Variants in ATR observed in about 807,000 individuals in gnomAD.
The protein encoded by ATR is serine/threonine-protein kinase ATR.
ATR carries 142 observed loss-of-function variants against 305.3 expected under a neutral mutation model. That is an observed-to-expected ratio of 0.47 (90% CI 0.41 to 0.53). ATR has a LOEUF of 0.53. Ranked by LOEUF, ATR falls within the 20% of genes least tolerant of loss-of-function variation. The pLI is 0.00. For synonymous variants in ATR, 1,050 were observed against 1,068.1 expected (o/e 0.98, Z 0.33); for missense variants, 2,135 against 3,133.1 (o/e 0.68, Z 7.60).
chr3:142,565,316 G>A (rs1007563128), intron 3 of ATR, among the ~76,000 whole-genome samples: 1 of 152,090 alleles, frequency 6.6e-6, no homozygotes, highest in African/African-American at 2.4e-5. Context: ...TGCTATCAAA[G>A]TTGAGTTAAA....
chr3:142,511,940 C>A (rs951065279), intron 27 of ATR, among the ~76,000 whole-genome samples: 10 of 151,780 alleles, frequency 6.6e-5, no homozygotes, highest in African/African-American at 1.9e-4. Flanking sequence ...ATGGCAAAAC[C>A]CTGTCTCTAC....
At position 142,493,330 on chromosome 3, in the gene ATR, C is replaced by A. The variant is rs2108326286; in HGVS notation, c.5899-19G>T. ...CATCACCCTAAAAGAAAAAAGGCAA[C>A]AATAAGCCTTTTAATTTAAAAACAT... is the stretch of plus-strand genomic sequence containing the variant. On this transcript the variant is annotated intron_variant, in intron 34 of 46. Coordinates refer to ENST00000350721, the MANE Select transcript of ATR (RefSeq NM_001184.4). 6.3e-7 allele frequency: 1 copy of A among 1,596,228 alleles called. No homozygotes were observed. The highest frequency in any genetic ancestry group is 2.2e-5 in the East Asian group (1 of 44,474).
At chr3:142,535,329 A>C (rs1444873917) in intron 20 of ATR, 124 bp from the exon 21 acceptor site, 1 of 1,066,726 alleles carries the variant, frequency 9.4e-7, no homozygotes, top group Non-Finnish European at 1.4e-6. Context: ...AAAGTAATGA[A>C]ATTTCCATTC....
At chr3:142,451,723 G>T in intron 46 of ATR, 2 of 1,178,026 alleles carry the variant, frequency 1.7e-6, no homozygotes, top group South Asian at 1.7e-5. Context: ...GGGACTACAG[G>T]AGTGTGCCAC....
chr3:142,513,066 C>T (rs1167108222), intron 26 of ATR, among the ~76,000 whole-genome samples: 1 of 151,586 alleles, frequency 6.6e-6, no homozygotes, highest in East Asian at 1.9e-4. Context: ...ACACTATATG[C>T]AAAATTAAGT....
At chr3:142,483,837 TAAATAAAATAAAATAAAATG>T (rs1287765549) in intron 36 of ATR, among the ~76,000 whole-genome samples, 1 of 150,360 alleles carries the variant, frequency 6.7e-6, no homozygotes, top group Non-Finnish European at 1.5e-5. Flanking sequence ...TGTCTTAAAA[TAAATAAAATAAAATAAAATG>T]AAATAAAATA....
chr3:142,498,383 G>A (rs973996754), intron 32 of ATR, among the ~76,000 whole-genome samples: 10 of 152,116 alleles, frequency 6.6e-5, no homozygotes, highest in African/African-American at 2.4e-4. Flanking sequence ...TTTTTATTAT[G>A]TTTTTCATTA....
intron 45 of ATR, 124 bp downstream of exon 45, chr3:142,457,480 C>A: frequency 1.8e-6 from 2 of 1,110,350 alleles, no homozygotes; most frequent in East Asian, 2.6e-5. Context: ...CTGCATAAAG[C>A]TATTATTTAA....
chr3:142,506,885 A>G (rs1239769351), intron 28 of ATR, among the ~76,000 whole-genome samples: 1 of 152,164 alleles, frequency 6.6e-6, no homozygotes. Flanking sequence ...GCCTGAAGGT[A>G]ATGTTAGAGT....
In ATR at chr3:142,503,634, C is replaced by T. The variant is rs1467814374; in HGVS notation, c.5197-181G>A. On this transcript the variant is annotated intron_variant, in intron 29 of 46. Coordinates refer to ENST00000350721, the MANE Select transcript of ATR (RefSeq NM_001184.4). ...GTCTTGCCATGTTGCCCAGGCTGGT[C>T]TCAAACTCCTGGGCTCAAGTGATCC... is the stretch of plus-strand genomic sequence containing the variant. Among the ~76,000 whole-genome samples the T allele has an allele frequency of 6.6e-5, 10 of 151,982 alleles. No individual in the cohort carries two copies. The East Asian group carries it at 1.9e-3, about 29-fold the overall frequency.
At chr3:142,533,607 C>T (rs966981438) in intron 21 of ATR, among the ~76,000 whole-genome samples, 4 of 152,140 alleles carry the variant, frequency 2.6e-5, no homozygotes, top group African/African-American at 9.7e-5. Flanking sequence ...AGACGTGTTT[C>T]TGGATCTTTA....
intron 42 of ATR, 27 bp downstream of exon 42, chr3:142,461,913 T>C: frequency 5.6e-6 from 9 of 1,602,410 alleles, no homozygotes; most frequent in Non-Finnish European, 7.7e-6. Context: ...ACCCACACTG[T>C]ATATGTATAA....
chr3:142,572,271 A>G (rs893994682), intron 1 of ATR, among the ~76,000 whole-genome samples: 28 of 143,936 alleles, frequency 1.9e-4, no homozygotes, highest in Non-Finnish European at 4.5e-5. Flanking sequence ...GGGTTGCACC[A>G]TGTTAGCCAG....
chr3:142,538,716 T>C (rs778187328), intron 18 of ATR, 91 bp from the exon 19 acceptor site: 18 of 1,480,888 alleles, frequency 1.2e-5, no homozygotes, highest in East Asian at 4.8e-5. Flanking sequence ...ACACATGATA[T>C]ATACAAACAA....
At chr3:142,486,940 C>A in intron 35 of ATR, among the ~76,000 whole-genome samples, 1 of 128,368 alleles carries the variant, frequency 7.8e-6, no homozygotes, top group African/African-American at 3.0e-5. Context: ...ACGGTGAAAC[C>A]TGGTCTCTAC....
intron 4 of ATR, among the ~76,000 whole-genome samples, 191 bp from the exon 5 acceptor site, chr3:142,561,612 T>A (rs2034881558): frequency 6.6e-6 from 1 of 152,206 alleles, no homozygotes; most frequent in African/African-American, 2.4e-5. Flanking sequence ...TTCTATAGTC[T>A]TAGAAGGTTT....
chr3:142,517,243 T>A (rs116032369), intron 24 of ATR, among the ~76,000 whole-genome samples: 1 of 151,724 alleles, frequency 6.6e-6, no homozygotes, highest in Non-Finnish European at 1.5e-5. Flanking sequence ...AAGTTATTTC[T>A]ATGGTGATTT....
intron 39 of ATR, 141 bp from the exon 40 acceptor site, chr3:142,466,674 C>G (rs2071139229): frequency 1.3e-6 from 1 of 770,278 alleles, no homozygotes; most frequent in Non-Finnish European, 2.1e-6. Flanking sequence ...CCATTTTAAC[C>G]TCTGTCATTT....
intron 1 of ATR, among the ~76,000 whole-genome samples, chr3:142,572,962 A>G (rs2035323323): frequency 6.6e-6 from 1 of 152,164 alleles, no homozygotes; most frequent in Non-Finnish European, 1.5e-5. Flanking sequence ...CTAGACTATA[A>G]GCTCCTACAG....
Sources: allele counts gnomAD v4.1 joint callset (sites outside exome capture counted in the v4.1 genomes callset), GRCh38; gene constraint gnomAD v4.1.1; transcripts MANE v1.5; gene names NCBI Gene and HGNC (gene_info 2026-07-23, HGNC 2026-07-21).